The following PGR variants were observed in gnomAD, a reference collection of about 807,000 sequenced individuals.
The protein encoded by PGR is progesterone receptor, also known as nuclear receptor subfamily 3 group C member 3.
A neutral mutation model predicts 76.1 loss-of-function variants in PGR; 25 were observed. That is an observed-to-expected ratio of 0.33 (90% CI 0.24 to 0.46). The LOEUF (loss-of-function observed/expected upper bound fraction) is 0.46, where lower values mean the gene tolerates loss of function less well. PGR is among the 20% of genes least tolerant of loss of function. PGR has a pLI of 1.00. For missense variants in PGR, 1,172 were observed against 1,225.3 expected (o/e 0.96, Z 0.65); for synonymous variants, 579 against 535.0 (o/e 1.08, Z -1.14).
intron 3 of PGR, among the ~76,000 whole-genome samples, chr11:101,081,572 G>A (rs1861309480): frequency 6.6e-6 from 1 of 152,176 alleles, no homozygotes; most frequent in African/African-American, 2.4e-5. Flanking sequence ...TCTCAGCAGA[G>A]GTTTGCAAGC....
intron 3 of PGR, among the ~76,000 whole-genome samples, chr11:101,070,852 C>T (rs1299644308): frequency 1.3e-5 from 2 of 152,192 alleles, no homozygotes; most frequent in East Asian, 1.9e-4. Flanking sequence ...CTCCCATCTC[C>T]CTGGGACAGA....
At chr11:101,125,903 A>G in intron 2 of PGR, 104 bp downstream of exon 2, 2 of 972,540 alleles carry the variant, frequency 2.1e-6, no homozygotes, top group Non-Finnish European at 3.2e-6. Flanking sequence ...TGGAAATATC[A>G]CCATTTCTTA....
intron 2 of PGR, among the ~76,000 whole-genome samples, chr11:101,115,920 G>T (rs1591428589): frequency 6.6e-6 from 1 of 152,098 alleles, no homozygotes; most frequent in African/African-American, 2.4e-5. Flanking sequence ...AATGTATTGG[G>T]CCAATTGTGT....
At chr11:101,069,401 C>T (rs1860836085) in intron 3 of PGR, among the ~76,000 whole-genome samples, 1 of 152,180 alleles carries the variant, frequency 6.6e-6, no homozygotes, top group Non-Finnish European at 1.5e-5. Flanking sequence ...AAAGCTTTTA[C>T]ACTGTTGGTG....
At chr11:101,052,269 CTGTGTGTGTGTGTGTGTGTGTGTGTG>C (rs55925008) in intron 4 of PGR, among the ~76,000 whole-genome samples, 44 of 141,804 alleles carry the variant, frequency 3.1e-4, no homozygotes, top group Non-Finnish European at 3.6e-4. Context: ...GATTTAGAAT[CTGTGTGTGTGTGTGTGTGTGTGTGTG>C]TGTGTGTGTG....
At chr11:101,084,311 G>T (rs1250395278) in intron 3 of PGR, among the ~76,000 whole-genome samples, 2 of 152,050 alleles carry the variant, frequency 1.3e-5, no homozygotes, top group Non-Finnish European at 2.9e-5. Flanking sequence ...CCCAGTCTCA[G>T]GTAGTACTTT....
chr11:101,083,305 G>C (rs935242477), intron 3 of PGR, among the ~76,000 whole-genome samples: 3 of 152,252 alleles, frequency 2.0e-5, no homozygotes, highest in Admixed American at 1.3e-4. Context: ...CCAGGCAGAA[G>C]TCTGCTTCAA....
rs1448966048 is a variant in PGR, at chr11:101,062,618, T to C, written c.2041A>G (p.Ile681Val). The C allele has an allele frequency of 5.0e-6, 8 of 1,614,122 alleles. No individual in the cohort carries two copies. The highest frequency in any genetic ancestry group is 6.8e-6 in the Non-Finnish European group (8 of 1,179,968). ...TTGATCAGTGGTGGAATCAACTGTA[T>C]GTCTTGACCTGGTGAAAAAGTGAAT... Reference protein sequence around the residue: ...QRFTFSPGQDIQLIPPLINLL... With the variant: ...QRFTFSPGQDVQLIPPLINLL... The change falls in exon 4 of 8, where the codon ATA becomes GTA. Residue 681 changes from isoleucine to valine, a missense_variant. By Grantham distance (29) the Ile-to-Val change is conservative. Transcript: ENST00000325455.
chr11:101,108,796 A>T (rs1862257270), intron 2 of PGR, among the ~76,000 whole-genome samples: 1 of 152,236 alleles, frequency 6.6e-6, no homozygotes, highest in Non-Finnish European at 1.5e-5. Context: ...AGATACAAGC[A>T]TATCGTATCT....
chr11:101,040,188 T>C (rs143579444), intron 7 of PGR, among the ~76,000 whole-genome samples: 139 of 152,176 alleles, frequency 9.1e-4, no homozygotes, highest in Middle Eastern at 3.4e-3. Flanking sequence ...CTCAAAGCCA[T>C]AGTCAAATTC....
intron 3 of PGR, among the ~76,000 whole-genome samples, chr11:101,073,660 T>A (rs918133522): frequency 1.4e-4 from 21 of 151,962 alleles, no homozygotes; most frequent in Admixed American, 5.9e-4. Flanking sequence ...TCACCAGTGA[T>A]CCCACAGAAA....
In PGR at chr11:101,035,628, A is replaced by G. The variant is rs149510965; in HGVS notation, c.*3488T>C. 16 of 232,102 alleles carry G rather than the reference A, an allele frequency of 6.9e-5. No homozygotes were observed. The East Asian group carries it at 9.8e-4, about 14-fold the overall frequency. 14.4% of individuals were successfully genotyped at this position (232,102 alleles called of 1,614,324 possible). A position where few individuals can be genotyped will look rare whatever the true frequency, so the allele number is the denominator to read the frequency against. On this transcript the variant is annotated 3_prime_UTR_variant, in exon 8 of 8. Coordinates refer to ENST00000325455, the MANE Select transcript of PGR (RefSeq NM_000926.4). Reference sequence around the variant, plus strand: ...GTTCTAGTCAGGCTCTCTGTTCTAAAAAGACACTTAAAAATGTTAAAATCA... The same window carrying G: ...GTTCTAGTCAGGCTCTCTGTTCTAAGAAGACACTTAAAAATGTTAAAATCA...
intron 2 of PGR, among the ~76,000 whole-genome samples, chr11:101,120,451 A>C (rs1213851093): frequency 6.6e-6 from 1 of 152,222 alleles, no homozygotes; most frequent in Non-Finnish European, 1.5e-5. Flanking sequence ...CCAAAGGAGA[A>C]ATGTACAAAA....
At chr11:101,073,809 TAAC>T in intron 3 of PGR, among the ~76,000 whole-genome samples, 1 of 152,200 alleles carries the variant, frequency 6.6e-6, no homozygotes, top group Non-Finnish European at 1.5e-5. Flanking sequence ...AATAGACCAA[TAAC>T]AAGTTCTGAA....
At chr11:101,091,911 T>C (rs1193515387) in intron 2 of PGR, 35 bp from the exon 3 acceptor site, 2 of 1,035,362 alleles carry the variant, frequency 1.9e-6, no homozygotes, top group Non-Finnish European at 3.0e-6. Context: ...TTATTTACAA[T>C]ATCTAAGATT....
chr11:101,034,054 C>G lies in PGR; in HGVS notation c.*5062G>C, dbSNP rs1170073300. 1.3e-5 allele frequency: 3 copies of G among 231,362 alleles called. No individual in the cohort carries two copies. Among genetic ancestry groups the G allele is most frequent in the Non-Finnish European group, 2.6e-5 (3 of 116,966 alleles). The allele number at this position is 231,362 out of a possible 1,614,324, so 14.3% of individuals were successfully genotyped here. On this transcript the variant is annotated 3_prime_UTR_variant, in exon 8 of 8. Coordinates refer to ENST00000325455, the MANE Select transcript of PGR (RefSeq NM_000926.4). ...GCAGAGTTAATAATCTGTGCATTTTCTTTACCGTAATGGACAGAGTATGCT... is the reference window on the plus strand; with the variant it reads ...GCAGAGTTAATAATCTGTGCATTTTGTTTACCGTAATGGACAGAGTATGCT...
At chr11:101,061,790 C>A (rs1045148244) in intron 4 of PGR, among the ~76,000 whole-genome samples, 3 of 152,150 alleles carry the variant, frequency 2.0e-5, no homozygotes, top group Non-Finnish European at 2.9e-5. Flanking sequence ...AAGTACTTGG[C>A]TCCTACAGAG....
At chr11:101,042,156 A>C in intron 6 of PGR, 54 bp from the exon 7 acceptor site, 1 of 1,548,120 alleles carries the variant, frequency 6.5e-7, no homozygotes, top group Non-Finnish European at 8.9e-7. Flanking sequence ...TGACATTAAC[A>C]ATTTATAACA....
chr11:101,052,875 A>G (rs901017946), intron 4 of PGR, among the ~76,000 whole-genome samples: 5 of 152,212 alleles, frequency 3.3e-5, no homozygotes, highest in Non-Finnish European at 5.9e-5. Context: ...GTAGATGATG[A>G]TAACAGCATT....
Sources: allele counts gnomAD v4.1 joint callset (sites outside exome capture counted in the v4.1 genomes callset), GRCh38; gene constraint gnomAD v4.1.1; transcripts MANE v1.5; gene names NCBI Gene and HGNC (gene_info 2026-07-23, HGNC 2026-07-21).